Variants in PRKAA2 observed in about 807,000 individuals in gnomAD.
The protein encoded by PRKAA2 is 5'-AMP-activated protein kinase catalytic subunit alpha-2.
PRKAA2 carries 40 observed loss-of-function variants against 56.3 expected under a neutral mutation model. That is an observed-to-expected ratio of 0.71 (90% CI 0.55 to 0.92). The LOEUF (loss-of-function observed/expected upper bound fraction) is 0.92. PRKAA2 is among the 40% of genes least tolerant of loss of function. The pLI is 0.00. For synonymous variants in PRKAA2, 214 were observed against 234.2 expected (o/e 0.91, Z 0.79); for missense variants, 542 against 686.9 (o/e 0.79, Z 2.36).
chr1:56,680,071 G>T (rs1569755941), intron 2 of PRKAA2, among the ~76,000 whole-genome samples: 1 of 152,054 alleles, frequency 6.6e-6, no homozygotes, highest in Non-Finnish European at 1.5e-5. Context: ...TCAACAGTGG[G>T]CTATTAGTAG....
At position 56,714,846 on chromosome 1, in the gene PRKAA2, G is replaced by A. The variant is rs1644395360; in HGVS notation, c.*7133G>A. 1 of 151,798 alleles carries A rather than the reference G, an allele frequency of 6.6e-6. No homozygotes were observed. The highest frequency in any genetic ancestry group is 1.5e-5 in the Non-Finnish European group (1 of 67,970). 9.4% of individuals were successfully genotyped at this position (151,798 alleles called of 1,614,324 possible). On this transcript the variant is annotated 3_prime_UTR_variant, in exon 9 of 9. Transcript: ENST00000371244. ...GTTGTGTCATGACAATCATAATATA[G>A]GATATAATATTTACTTTTTTTCAAA...
chr1:56,689,862 G>T (rs1644215240), intron 2 of PRKAA2, among the ~76,000 whole-genome samples: 1 of 149,854 alleles, frequency 6.7e-6, no homozygotes, highest in Admixed American at 6.7e-5. Context: ...TTTTTAATGT[G>T]CCCAGCTTTG....
intron 4 of PRKAA2, 147 bp downstream of exon 4, chr1:56,692,649 T>C (rs1204709533): frequency 1.0e-5 from 7 of 698,690 alleles, no homozygotes; most frequent in Non-Finnish European, 1.5e-5. Flanking sequence ...CTTTTTTTTT[T>C]CATTTAATTA....
intron 1 of PRKAA2, among the ~76,000 whole-genome samples, chr1:56,669,346 C>G (rs1412234882): frequency 6.6e-6 from 1 of 151,904 alleles, no homozygotes; most frequent in African/African-American, 2.4e-5. Flanking sequence ...GTAATTCCAG[C>G]TACTTGGGAG....
intron 1 of PRKAA2, among the ~76,000 whole-genome samples, chr1:56,666,657 G>A (rs1046905325): frequency 1.3e-5 from 2 of 152,186 alleles, no homozygotes; most frequent in African/African-American, 4.8e-5. Context: ...AGAAAGCACA[G>A]TCCTTATGGG....
chr1:56,709,177 C>T lies in PRKAA2; in HGVS notation c.*1464C>T, dbSNP rs1399661893. Reference sequence around the variant, plus strand: ...CTTGAAAACAAAAAAATGACATTACCTTGACAGGCTTCTCTTTGCCAAAAG... The same window carrying T: ...CTTGAAAACAAAAAAATGACATTACTTTGACAGGCTTCTCTTTGCCAAAAG... On this transcript the variant is annotated 3_prime_UTR_variant, in exon 9 of 9. Coordinates refer to ENST00000371244, the MANE Select transcript of PRKAA2 (RefSeq NM_006252.4). 6.6e-6 allele frequency: 1 copy of T among 151,984 alleles called. No homozygotes were observed. Among genetic ancestry groups the T allele is most frequent in the African/African-American group, 2.4e-5 (1 of 41,404 alleles). 9.4% of individuals were successfully genotyped at this position (151,984 alleles called of 1,614,324 possible).
Position 56,707,743 on chromosome 1 carries a change from C to G in PRKAA2, c.*30C>G. 1 of 1,516,836 alleles carries G rather than the reference C, an allele frequency of 6.6e-7. No homozygotes were observed. Among genetic ancestry groups the G allele is most frequent in the Non-Finnish European group, 9.1e-7 (1 of 1,095,592 alleles). 94.0% of individuals were successfully genotyped at this position (1,516,836 alleles called of 1,614,324 possible). On this transcript the variant is annotated 3_prime_UTR_variant, in exon 9 of 9. Transcript: ENST00000371244. ...TCTCTAGTTTCTTTCTGTTATTGCA[C>G]TATGAAAATCAGTTATATTCTTTAA...
At chr1:56,692,635 G>T in intron 4 of PRKAA2, 133 bp downstream of exon 4, 1 of 798,028 alleles carries the variant, frequency 1.3e-6, no homozygotes, top group Non-Finnish European at 1.8e-6. Flanking sequence ...AATCTCCTCA[G>T]TAGCTTTTTT....
intron 2 of PRKAA2, among the ~76,000 whole-genome samples, chr1:56,676,918 T>C (rs1469947460): frequency 6.6e-6 from 1 of 152,226 alleles, no homozygotes; most frequent in Non-Finnish European, 1.5e-5. Flanking sequence ...CAATGTCATA[T>C]GATCTTCACT....
chr1:56,649,623 C>T (rs2100376248), intron 1 of PRKAA2, among the ~76,000 whole-genome samples: 1 of 152,232 alleles, frequency 6.6e-6, no homozygotes, highest in East Asian at 1.9e-4. Flanking sequence ...TGTGCTTTCT[C>T]TCTTGACTTT....
rs1315966257 is a variant in PRKAA2, at chr1:56,708,158, T to TA, written c.*450dup. On this transcript the variant is annotated 3_prime_UTR_variant, in exon 9 of 9. Coordinates refer to ENST00000371244, the MANE Select transcript of PRKAA2 (RefSeq NM_006252.4). ...CCAATTTATTTTAACAAAAGAAGAT[T>TA]AAAAAGTAAAAGAACCACGAGTAAG... 1 of 160,514 alleles carries TA rather than the reference T, an allele frequency of 6.2e-6. No homozygotes were observed. Among genetic ancestry groups the TA allele is most frequent in the African/African-American group, 2.4e-5 (1 of 41,496 alleles). The allele number at this position is 160,514 out of a possible 1,614,324, so 9.9% of individuals were successfully genotyped here.
chr1:56,669,413 C>T (rs1291635263), intron 1 of PRKAA2, among the ~76,000 whole-genome samples: 3 of 151,700 alleles, frequency 2.0e-5, no homozygotes, highest in East Asian at 3.9e-4. Context: ...GAACTGAGAT[C>T]GTACCACTGC....
chr1:56,691,576 G>C, intron 3 of PRKAA2, 89 bp downstream of exon 3: 1 of 1,031,976 alleles, frequency 9.7e-7, no homozygotes, highest in Non-Finnish European at 1.4e-6. Flanking sequence ...ATATCTTCAA[G>C]GTTGAAGTTG....
chr1:56,688,124 T>C (rs555334325), intron 2 of PRKAA2, among the ~76,000 whole-genome samples: 1 of 152,336 alleles, frequency 6.6e-6, no homozygotes, highest in South Asian at 2.1e-4. Context: ...AATGTAATCC[T>C]GGAATTTGCC....
At chr1:56,676,500 C>T (rs1022246027) in intron 2 of PRKAA2, among the ~76,000 whole-genome samples, 13 of 152,126 alleles carry the variant, frequency 8.5e-5, no homozygotes, top group Admixed American at 8.5e-4. Flanking sequence ...CTTCAGAAGG[C>T]AACACAGCTC....
intron 6 of PRKAA2, among the ~76,000 whole-genome samples, chr1:56,700,827 C>T (rs1020475786): frequency 2.6e-5 from 4 of 152,046 alleles, no homozygotes; most frequent in African/African-American, 9.7e-5. Context: ...TTCTCCCCAC[C>T]TCAATGCCCC....
intron 1 of PRKAA2, chr1:56,671,303 T>C (rs1021761429): frequency 6.6e-6 from 1 of 152,184 alleles, no homozygotes; most frequent in Non-Finnish European, 1.5e-5. Context: ...GTGCTAGTTA[T>C]TTCATTGAGG....
chr1:56,701,277 C>A (rs1182794621), intron 6 of PRKAA2, among the ~76,000 whole-genome samples: 1 of 152,008 alleles, frequency 6.6e-6, no homozygotes, highest in Non-Finnish European at 1.5e-5. Context: ...CACCTGTAAT[C>A]CCAGGTACTC....
At chr1:56,671,555 A>G (rs140944935) in intron 1 of PRKAA2, 225 of 152,350 alleles carry the variant, frequency 1.5e-3, no homozygotes, top group African/African-American at 5.0e-3. Flanking sequence ...TGTTTGTTTT[A>G]TATGCTGAGA....
Sources: gnomAD v4.1 joint callset for allele counts (sites outside exome capture counted in the v4.1 genomes callset) on GRCh38, gnomAD v4.1.1 for gene constraint, MANE v1.5 for transcripts, NCBI Gene and HGNC (gene_info 2026-07-23, HGNC 2026-07-21) for gene names.